The following STK32B variants were observed in gnomAD, a reference collection of about 807,000 sequenced individuals.
The protein encoded by STK32B is serine/threonine kinase 32B, also known as serine/threonine-protein kinase 32B.
In STK32B, 43 loss-of-function variants were observed where a neutral mutation model predicts 52.6. The observed-to-expected ratio is 0.82, with a 90% CI of 0.64 to 1.05. STK32B has a LOEUF of 1.05. STK32B is among the 50% of genes least tolerant of loss of function. STK32B has a pLI of 0.00. For synonymous variants in STK32B, 238 were observed against 204.3 expected (o/e 1.17, Z -1.41); for missense variants, 621 against 534.6 (o/e 1.16, Z -1.59).
intron 7 of STK32B, among the ~76,000 whole-genome samples, chr4:5,450,952 G>C (rs1715936025): frequency 6.6e-6 from 1 of 152,082 alleles, no homozygotes; most frequent in Non-Finnish European, 1.5e-5. Context: ...AGCAGAGATG[G>C]GTTCCCATCC....
intron 1 of STK32B, among the ~76,000 whole-genome samples, chr4:5,064,294 T>C (rs1257836085): frequency 6.9e-6 from 1 of 145,174 alleles, no homozygotes; most frequent in Non-Finnish European, 1.5e-5. Context: ...ATATATTACA[T>C]GTAAAGATAT....
At chr4:5,065,884 C>T (rs1742401014) in intron 1 of STK32B, among the ~76,000 whole-genome samples, 1 of 152,062 alleles carries the variant, frequency 6.6e-6, no homozygotes, top group Non-Finnish European at 1.5e-5. Context: ...CCACCACACC[C>T]ATCTAATTCT....
intron 3 of STK32B, among the ~76,000 whole-genome samples, chr4:5,311,007 G>C (rs1730257484): frequency 6.6e-6 from 1 of 152,164 alleles, no homozygotes. Flanking sequence ...CATAGAAGTA[G>C]AGAGTAAAAC....
rs191303385 is a variant in STK32B at position 5,342,238 on chromosome 4, G to A, written c.434+10845G>A. ...GGTTTATAAATCATGCTACTATAAA[G>A]ACACATGCACACGTATGTTTATTGT... On this transcript the variant is annotated intron_variant, in intron 4 of 11. Transcript: ENST00000282908. Among the ~76,000 whole-genome samples, 298 of 152,204 alleles carry A rather than the reference G, an allele frequency of 2.0e-3. 1 individual carries two copies. The highest frequency in any genetic ancestry group is 6.9e-3 in the African/African-American group (285 of 41,542).
intron 2 of STK32B, among the ~76,000 whole-genome samples, chr4:5,167,826 C>T (rs1718997254): frequency 6.6e-6 from 1 of 152,156 alleles, no homozygotes; most frequent in South Asian, 2.1e-4. Context: ...AAAGAGAGTC[C>T]TCAGGGAGAG....
intron 3 of STK32B, among the ~76,000 whole-genome samples, chr4:5,245,448 C>T (rs1725372577): frequency 6.6e-6 from 1 of 152,092 alleles, no homozygotes; most frequent in Non-Finnish European, 1.5e-5. Flanking sequence ...TTCCTCCATC[C>T]CTTTACTTTG....
chr4:5,443,082 C>T (rs1015337296), intron 6 of STK32B, among the ~76,000 whole-genome samples: 1 of 150,646 alleles, frequency 6.6e-6, no homozygotes, highest in African/African-American at 2.4e-5. Context: ...AATTATGTGT[C>T]TTGGAGTTGC....
At chr4:5,490,732 C>T (rs1266775304) in intron 11 of STK32B, among the ~76,000 whole-genome samples, 1 of 152,066 alleles carries the variant, frequency 6.6e-6, no homozygotes, top group Non-Finnish European at 1.5e-5. Flanking sequence ...CAACTCTCCA[C>T]CCCACAACAG....
intron 11 of STK32B, among the ~76,000 whole-genome samples, chr4:5,476,883 T>G (rs1356008025): frequency 1.3e-5 from 2 of 151,412 alleles, no homozygotes; most frequent in African/African-American, 2.4e-5. Flanking sequence ...GAAGAGAGGC[T>G]GCCACAACCC....
At chr4:5,061,331 TTC>T (rs1300133476) in intron 1 of STK32B, among the ~76,000 whole-genome samples, 2 of 152,204 alleles carry the variant, frequency 1.3e-5, no homozygotes, top group Non-Finnish European at 2.9e-5. Context: ...TGTCCGTCGG[TTC>T]TCTTTTATGG....
chr4:5,389,689 TCA>T (rs1261534341), intron 4 of STK32B, among the ~76,000 whole-genome samples: 1 of 152,058 alleles, frequency 6.6e-6, no homozygotes, highest in African/African-American at 2.4e-5. Flanking sequence ...ATTCAATCCA[TCA>T]CACTACCTGG....
intron 3 of STK32B, among the ~76,000 whole-genome samples, chr4:5,287,898 C>T (rs545210964): frequency 2.2e-4 from 33 of 152,252 alleles, no homozygotes; most frequent in African/African-American, 7.7e-4. Flanking sequence ...GAAATCTGAT[C>T]TCCATTAGCA....
At chr4:5,078,358 G>A (rs1712208198) in intron 1 of STK32B, among the ~76,000 whole-genome samples, 1 of 152,160 alleles carries the variant, frequency 6.6e-6, no homozygotes, top group African/African-American at 2.4e-5. Flanking sequence ...GGGTAGAAAA[G>A]CTAGGGTCTG....
intron 3 of STK32B, among the ~76,000 whole-genome samples, chr4:5,266,906 T>C (rs1727089922): frequency 6.6e-6 from 1 of 152,182 alleles, no homozygotes; most frequent in South Asian, 2.1e-4. Flanking sequence ...TGTTCAACTC[T>C]AGCATCTTTT....
At chr4:5,377,927 A>C (rs1308587615) in intron 4 of STK32B, among the ~76,000 whole-genome samples, 2 of 152,216 alleles carry the variant, frequency 1.3e-5, no homozygotes, top group Non-Finnish European at 2.9e-5. Flanking sequence ...GGACTAATAC[A>C]ACCATAAAAA....
chr4:5,111,971 C>T (rs1431261503), intron 1 of STK32B, among the ~76,000 whole-genome samples: 1 of 152,134 alleles, frequency 6.6e-6, no homozygotes, highest in Non-Finnish European at 1.5e-5. Context: ...CATGTGCACA[C>T]TTTAGTAAGC....
intron 11 of STK32B, among the ~76,000 whole-genome samples, chr4:5,477,452 T>G (rs561607758): frequency 1.3e-5 from 2 of 152,230 alleles, no homozygotes; most frequent in East Asian, 1.9e-4. Flanking sequence ...TGATGGGAGC[T>G]CTGGCTCAGA....
At chr4:5,088,746 C>A (rs543710266) in intron 1 of STK32B, among the ~76,000 whole-genome samples, 59 of 151,748 alleles carry the variant, frequency 3.9e-4, no homozygotes, top group African/African-American at 1.3e-3. Context: ...CTACTATGTA[C>A]CCATAAAAAT....
intron 1 of STK32B, among the ~76,000 whole-genome samples, chr4:5,099,448 G>GCGCGCA (rs1342236449): frequency 1.8e-4 from 19 of 108,206 alleles, no homozygotes; most frequent in African/African-American, 6.8e-4. Flanking sequence ...GTGTGTGTGT[G>GCGCGCA]TGCGCGCGCG....
Sources: allele counts gnomAD v4.1 joint callset (sites outside exome capture counted in the v4.1 genomes callset), GRCh38; gene constraint gnomAD v4.1.1; transcripts MANE v1.5; gene names NCBI Gene and HGNC (gene_info 2026-07-23, HGNC 2026-07-21).